Variants in PCDH9 observed in about 807,000 individuals in gnomAD.
The protein encoded by PCDH9 is protocadherin-9.
A neutral mutation model predicts 70.6 loss-of-function variants in PCDH9; 24 were observed. The observed-to-expected ratio is 0.34, with a 90% CI of 0.25 to 0.48. The LOEUF (loss-of-function observed/expected upper bound fraction) is 0.48. Among genes scored for constraint, PCDH9 ranks in the 20% least tolerant of loss-of-function variants. The pLI is 0.99. For missense variants in PCDH9, 1,281 were observed against 1,503.6 expected, an observed-to-expected ratio of 0.85 and a Z score of 2.45; for synonymous variants, 562 against 558.5, an observed-to-expected ratio of 1.01 and a Z score of -0.09.
chr13:66,614,141 T>C (rs560827935), intron 4 of PCDH9, among the ~76,000 whole-genome samples: 2 of 152,248 alleles, frequency 1.3e-5, no homozygotes, highest in East Asian at 3.9e-4. Flanking sequence ...CAGATTTACA[T>C]GTAAGGGAGT....
chr13:67,194,712 T>C (rs1175483376), intron 2 of PCDH9, among the ~76,000 whole-genome samples: 2 of 152,162 alleles, frequency 1.3e-5, no homozygotes. Context: ...ATGCCTTCTA[T>C]AGAATTGCCA....
At chr13:66,617,472 G>T (rs1337178665) in intron 4 of PCDH9, among the ~76,000 whole-genome samples, 19 of 151,876 alleles carry the variant, frequency 1.3e-4, no homozygotes, top group Admixed American at 9.2e-4. Flanking sequence ...GTAAGTAATT[G>T]TGTCTCTGTA....
intron 3 of PCDH9, among the ~76,000 whole-genome samples, chr13:66,719,444 C>T (rs2078912951): frequency 6.6e-6 from 1 of 152,054 alleles, no homozygotes; most frequent in Admixed American, 6.6e-5. Context: ...GAGGAGGGCT[C>T]CCTGGGCCCT....
intron 2 of PCDH9, among the ~76,000 whole-genome samples, chr13:67,152,374 T>C (rs964809563): frequency 1.3e-5 from 2 of 152,208 alleles, no homozygotes; most frequent in Non-Finnish European, 2.9e-5. Flanking sequence ...ATGACATTGC[T>C]AGACTTCTGA....
chr13:66,312,702 A>C (rs546484888), intron 4 of PCDH9, among the ~76,000 whole-genome samples: 1 of 152,322 alleles, frequency 6.6e-6, no homozygotes, highest in African/African-American at 2.4e-5. Flanking sequence ...TTTAAATGTA[A>C]ATAAAAATCT....
chr13:67,149,966 A>G lies in PCDH9; in HGVS notation c.3036+75439T>C, dbSNP rs180681441. ...TTTTGAAGCCAAAATTTCAAAAATA[A>G]AAGTCTTTTCAGGTCATATGTAGGC... On this transcript the variant is annotated intron_variant, in intron 2 of 4. Coordinates refer to ENST00000377865, the MANE Select transcript of PCDH9 (RefSeq NM_203487.3). 1.3e-3 allele frequency among the ~76,000 whole-genome samples: 203 copies of G among 152,330 alleles called. 1 individual carries two copies. The highest frequency in any genetic ancestry group is 3.4e-3 in the Middle Eastern group (1 of 294).
At chr13:66,534,687 A>G (rs1193356689) in intron 4 of PCDH9, among the ~76,000 whole-genome samples, 2 of 152,088 alleles carry the variant, frequency 1.3e-5, no homozygotes, top group Non-Finnish European at 2.9e-5. Context: ...TTTCTTACAC[A>G]TATTTTTCTT....
intron 2 of PCDH9, chr13:67,209,066 C>T (rs1723376459): frequency 6.6e-6 from 1 of 152,084 alleles, no homozygotes; most frequent in African/African-American, 2.4e-5. Flanking sequence ...ACACTCATAC[C>T]TTCCCCTGAA....
At chr13:67,139,867 A>G (rs1393009241) in intron 2 of PCDH9, among the ~76,000 whole-genome samples, 3 of 152,188 alleles carry the variant, frequency 2.0e-5, no homozygotes, top group Non-Finnish European at 4.4e-5. Context: ...AACAGTTAAT[A>G]ATTAAGCCAA....
At chr13:66,615,278 C>T (rs570828572) in intron 4 of PCDH9, among the ~76,000 whole-genome samples, 1 of 152,276 alleles carries the variant, frequency 6.6e-6, no homozygotes, top group African/African-American at 2.4e-5. Flanking sequence ...CACTTAGGTA[C>T]ATTGGATTGC....
Position 66,445,563 on chromosome 13 carries a change from T to TAC in PCDH9, c.3341-140537_3341-140536dup, listed in dbSNP as rs1274219589. ...ATTATATATACACATATATAATATATACGTGTATATATTATATATACACAT... is the reference window on the plus strand; with the variant it reads ...ATTATATATACACATATATAATATATACACGTGTATATATTATATATACACAT... On this transcript the variant is annotated intron_variant, in intron 4 of 4. Transcript: ENST00000377865. Among the ~76,000 whole-genome samples the TAC allele has an allele frequency of 2.0e-3, 283 of 140,934 alleles. 4 individuals carry two copies. Among genetic ancestry groups the TAC allele is most frequent in the East Asian group, 4.7e-3 (23 of 4,860 alleles). 92.5% of individuals were successfully genotyped at this position (140,934 alleles called of 152,430 possible). A position where few individuals can be genotyped will look rare whatever the true frequency, so the allele number is the denominator to read the frequency against.
intron 2 of PCDH9, among the ~76,000 whole-genome samples, chr13:67,137,332 C>T (rs2087258447): frequency 6.6e-6 from 1 of 152,048 alleles, no homozygotes; most frequent in South Asian, 2.1e-4. Flanking sequence ...TAAATCATAT[C>T]GTTTGTATGA....
chr13:66,601,803 A>C (rs980820154), intron 4 of PCDH9, among the ~76,000 whole-genome samples: 5 of 145,920 alleles, frequency 3.4e-5, no homozygotes, highest in Non-Finnish European at 6.2e-5. Context: ...TGTCATGGCC[A>C]TAATAATGTC....
At chr13:66,537,650 C>T (rs67609817) in intron 4 of PCDH9, among the ~76,000 whole-genome samples, 35,887 of 151,912 alleles carry the variant, frequency 0.24, 4,716 homozygotes, top group South Asian at 0.34. Context: ...CTGAATTACA[C>T]AGAGCTTTCT....
intron 4 of PCDH9, among the ~76,000 whole-genome samples, chr13:66,536,020 A>C (rs1960687356): frequency 6.6e-6 from 1 of 152,106 alleles, no homozygotes; most frequent in African/African-American, 2.4e-5. Context: ...TGAGGAAATC[A>C]GTTATCAAAT....
chr13:66,479,266 G>A (rs4088260), intron 4 of PCDH9, among the ~76,000 whole-genome samples: 149,589 of 152,302 alleles, frequency 0.98, 73,517 homozygotes, highest in Middle Eastern at 1. Flanking sequence ...TGATTATTCA[G>A]GAGCTCTGAC....
intron 4 of PCDH9, among the ~76,000 whole-genome samples, chr13:66,589,546 A>G (rs1432902457): frequency 6.6e-6 from 1 of 152,070 alleles, no homozygotes; most frequent in Non-Finnish European, 1.5e-5. Flanking sequence ...ATATTAAAAT[A>G]TTAATTACAA....
rs987979088 is a variant in PCDH9 at position 66,794,801 on chromosome 13, T to C, written c.3138+108703A>G. Among the ~76,000 whole-genome samples, 3 of 152,172 alleles carry C rather than the reference T, an allele frequency of 2.0e-5. No homozygotes were observed. The South Asian group carries it at 6.2e-4, about 31-fold the overall frequency. ...TGAAACAATATAAGATCTTTTGCTC[T>C]GTTATTACCATTTTTGGTTCCCTTT... On this transcript the variant is annotated intron_variant, in intron 3 of 4. Coordinates refer to ENST00000377865, the MANE Select transcript of PCDH9 (RefSeq NM_203487.3).
intron 3 of PCDH9, among the ~76,000 whole-genome samples, chr13:66,694,564 G>A (rs1163230719): frequency 6.6e-6 from 1 of 151,962 alleles, no homozygotes; most frequent in Non-Finnish European, 1.5e-5. Flanking sequence ...ATTTATGACT[G>A]CTACATGTTA....
Sources: allele counts gnomAD v4.1 joint callset (sites outside exome capture counted in the v4.1 genomes callset), GRCh38; gene constraint gnomAD v4.1.1; transcripts MANE v1.5; gene names NCBI Gene and HGNC (gene_info 2026-07-23, HGNC 2026-07-21).